The following NBEA variants were observed in gnomAD, a reference collection of about 807,000 sequenced individuals.
NBEA encodes the protein neurobeachin.
In NBEA, 44 loss-of-function variants were observed where a neutral mutation model predicts 343.4. The observed-to-expected ratio is 0.13, with a 90% CI of 0.10 to 0.16. The LOEUF is 0.16. NBEA is among the 10% of genes least tolerant of loss of function. The pLI is 1.00. For synonymous variants in NBEA, 1,175 were observed against 1,238.7 expected (o/e 0.95, Z 1.08); for missense variants, 2,555 against 3,631.3 (o/e 0.70, Z 7.62).
chr13:35,597,360 TA>T (rs1307854721), intron 47 of NBEA, among the ~76,000 whole-genome samples: 3 of 152,206 alleles, frequency 2.0e-5, no homozygotes, highest in Admixed American at 2.0e-4. Context: ...GTTTTTCATT[TA>T]GGAAATTTTA....
At chr13:35,472,638 T>A in intron 41 of NBEA, 102 bp downstream of exon 41, 1 of 1,086,878 alleles carries the variant, frequency 9.2e-7, no homozygotes, top group Non-Finnish European at 1.4e-6. Flanking sequence ...GGGAGCACAT[T>A]CTCCTCTTTC....
chr13:34,957,713 A>T (rs1028370103), intron 1 of NBEA, among the ~76,000 whole-genome samples: 1 of 152,160 alleles, frequency 6.6e-6, no homozygotes, highest in Non-Finnish European at 1.5e-5. Context: ...TATATAACAT[A>T]TAACTTCTGA....
intron 49 of NBEA, among the ~76,000 whole-genome samples, chr13:35,635,227 C>T (rs568409393): frequency 4.0e-4 from 61 of 152,082 alleles, no homozygotes; most frequent in Non-Finnish European, 3.7e-4. Context: ...GCCTTTCCTC[C>T]CCCCATTTCT....
chr13:35,125,119 T>C (rs2067047917), intron 17 of NBEA, among the ~76,000 whole-genome samples: 1 of 152,062 alleles, frequency 6.6e-6, no homozygotes, highest in Non-Finnish European at 1.5e-5. Context: ...TAGCCTATTT[T>C]CCCCCTTTTT....
At chr13:35,466,907 A>G (rs2075408892) in intron 40 of NBEA, among the ~76,000 whole-genome samples, 1 of 152,154 alleles carries the variant, frequency 6.6e-6, no homozygotes, top group Non-Finnish European at 1.5e-5. Flanking sequence ...TTTCCTTAAG[A>G]TACTTCAGTC....
intron 38 of NBEA, among the ~76,000 whole-genome samples, chr13:35,372,943 T>C (rs1229359200): frequency 6.6e-6 from 1 of 152,152 alleles, no homozygotes; most frequent in Non-Finnish European, 1.5e-5. Context: ...CAGGGGTATG[T>C]GGGATCAGTT....
At chr13:35,359,826 GTGTGTA>G (rs1566025302) in intron 38 of NBEA, among the ~76,000 whole-genome samples, 2 of 142,420 alleles carry the variant, frequency 1.4e-5, no homozygotes, top group Admixed American at 6.8e-5. Context: ...AGGTGTGTGT[GTGTGTA>G]TGTGTGTGTG....
At chr13:35,090,974 C>A (rs1324550710) in intron 10 of NBEA, among the ~76,000 whole-genome samples, 2 of 151,916 alleles carry the variant, frequency 1.3e-5, no homozygotes, top group Admixed American at 1.3e-4. Flanking sequence ...GGATTGAAAA[C>A]CTGAAATTGT....
At chr13:35,037,324 G>C (rs894805014) in intron 1 of NBEA, among the ~76,000 whole-genome samples, 1 of 152,004 alleles carries the variant, frequency 6.6e-6, no homozygotes, top group Non-Finnish European at 1.5e-5. Flanking sequence ...ATTTCTTTGA[G>C]TTTCCTCAAC....
At chr13:35,331,959 T>A (rs1444712731) in intron 36 of NBEA, among the ~76,000 whole-genome samples, 1 of 152,064 alleles carries the variant, frequency 6.6e-6, no homozygotes, top group Non-Finnish European at 1.5e-5. Context: ...TTTTCCATGT[T>A]AAATGTACTG....
At chr13:35,635,443 C>G (rs553837856) in intron 49 of NBEA, among the ~76,000 whole-genome samples, 14 of 152,226 alleles carry the variant, frequency 9.2e-5, no homozygotes, top group Admixed American at 8.5e-4. Context: ...TTCTTAAAAC[C>G]ATCTTAATTT....
intron 48 of NBEA, 93 bp from the exon 49 acceptor site, chr13:35,627,988 T>C (rs1393562135): frequency 1.1e-6 from 1 of 945,682 alleles, no homozygotes; most frequent in African/African-American, 1.7e-5. Context: ...ATATTCTCCT[T>C]TTTATATATA....
intron 51 of NBEA, among the ~76,000 whole-genome samples, chr13:35,647,437 C>T (rs1219310257): frequency 2.0e-5 from 3 of 152,158 alleles, no homozygotes; most frequent in African/African-American, 7.2e-5. Context: ...TTTACTCTGT[C>T]ATTTAACGAA....
At chr13:35,576,095 A>G (rs9574147) in intron 45 of NBEA, among the ~76,000 whole-genome samples, 36,023 of 151,430 alleles carry the variant, frequency 0.24, 4,672 homozygotes, top group East Asian at 0.35. Flanking sequence ...GATTGATAAT[A>G]GAAGTTTTTT....
At position 35,151,535 on chromosome 13, in the gene NBEA, C is replaced by A. The variant is rs1282485715; in HGVS notation, c.2446-4239C>A. ...TCCAGCCTGAGCAAGAAGAGCAAAACTCTGTCTCAAAAAAAAAAAAAAAAA... is the reference window on the plus strand; with the variant it reads ...TCCAGCCTGAGCAAGAAGAGCAAAAATCTGTCTCAAAAAAAAAAAAAAAAA... On this transcript the variant is annotated intron_variant, in intron 18 of 58. Transcript: ENST00000379939. 2.2e-5 allele frequency among the ~76,000 whole-genome samples: 3 copies of A among 136,404 alleles called. No homozygotes were observed. The Admixed American group carries it at 2.3e-4, about 11-fold the overall frequency. 89.5% of individuals were successfully genotyped at this position (136,404 alleles called of 152,430 possible).
At position 34,943,069 on chromosome 13, in the gene NBEA, C is replaced by G; in HGVS notation, c.249C>G (p.Val83=). Residue 83 remains valine (V), a synonymous_variant, in exon 1 of 59, where the codon GTC becomes GTG. Transcript: ENST00000379939. ...KFAVLIGLIQ[V]GEVSNRDIVE... ...CAGTGTTGATTGGACTCATACAGGT[C>G]GGAGAGGTCAGCAACAGGGACATCG... 1 of 1,613,702 alleles carries G rather than the reference C, an allele frequency of 6.2e-7. No homozygotes were observed. The highest frequency in any genetic ancestry group is 8.5e-7 in the Non-Finnish European group (1 of 1,179,770).
At chr13:35,365,697 C>A (rs932871511) in intron 38 of NBEA, among the ~76,000 whole-genome samples, 6 of 151,562 alleles carry the variant, frequency 4.0e-5, no homozygotes, top group African/African-American at 1.4e-4. Context: ...ATCACATTTT[C>A]TAAAACAAAA....
At chr13:35,643,996 T>G (rs1259538517) in intron 49 of NBEA, among the ~76,000 whole-genome samples, 1 of 152,110 alleles carries the variant, frequency 6.6e-6, no homozygotes, top group Non-Finnish European at 1.5e-5. Context: ...AACGTTTTAG[T>G]AATGACAAGA....
chr13:35,415,349 G>C (rs2043839310), intron 38 of NBEA, among the ~76,000 whole-genome samples: 1 of 152,040 alleles, frequency 6.6e-6, no homozygotes, highest in Non-Finnish European at 1.5e-5. Context: ...TTTTCTTCTG[G>C]GGTTTTTATG....
Sources: allele counts gnomAD v4.1 joint callset (sites outside exome capture counted in the v4.1 genomes callset), GRCh38; gene constraint gnomAD v4.1.1; transcripts MANE v1.5; gene names NCBI Gene and HGNC (gene_info 2026-07-23, HGNC 2026-07-21).